SNTG1: variants seen among roughly 807,000 people sequenced by gnomAD.
The protein encoded by SNTG1 is syntrophin gamma 1.
Under a neutral mutation model 74.7 loss-of-function variants are expected in SNTG1, and 39 were observed. That is an observed-to-expected ratio of 0.52 (90% confidence interval 0.40 to 0.68). The LOEUF is 0.68. Ranked by LOEUF, SNTG1 falls within the 30% of genes least tolerant of loss-of-function variation. The pLI, the probability that SNTG1 is intolerant of heterozygous loss-of-function variation, is 0.00. For missense variants in SNTG1, 685 were observed against 609.5 expected (o/e 1.12, Z -1.30); for synonymous variants, 254 against 217.1 (o/e 1.17, Z -1.49).
chr8:50,616,401 GAC>G (rs1333763348), intron 13 of SNTG1, among the ~76,000 whole-genome samples: 2 of 152,190 alleles, frequency 1.3e-5, no homozygotes, highest in Non-Finnish European at 2.9e-5. Context: ...AAGGGCCACT[GAC>G]ACTATCCCTG....
intron 10 of SNTG1, among the ~76,000 whole-genome samples, chr8:50,532,797 G>C (rs974222944): frequency 1.3e-5 from 2 of 152,174 alleles, no homozygotes; most frequent in Admixed American, 6.5e-5. Flanking sequence ...TCTTTCCACA[G>C]AATATGTGTA....
chr8:50,700,959 G>A (rs935852830), intron 15 of SNTG1, among the ~76,000 whole-genome samples: 2 of 152,110 alleles, frequency 1.3e-5, no homozygotes, highest in African/African-American at 4.8e-5. Context: ...CACGACTTGG[G>A]TAATATAACA....
intron 1 of SNTG1, among the ~76,000 whole-genome samples, chr8:50,055,938 T>G (rs1380904330): frequency 2.6e-5 from 4 of 152,134 alleles, no homozygotes; most frequent in African/African-American, 9.7e-5. Flanking sequence ...AAACAATGGA[T>G]AATGTACCAG....
chr8:50,619,500 G>A (rs1278217696), intron 13 of SNTG1, among the ~76,000 whole-genome samples: 2 of 152,112 alleles, frequency 1.3e-5, no homozygotes, highest in Non-Finnish European at 2.9e-5. Context: ...GGGAGGCCGA[G>A]GCGGGCAGAT....
chr8:50,425,396 A>G (rs973816159), intron 4 of SNTG1, among the ~76,000 whole-genome samples: 1 of 152,000 alleles, frequency 6.6e-6, no homozygotes, highest in African/African-American at 2.4e-5. Flanking sequence ...CACGCCAGGG[A>G]TCTAGGTTGT....
chr8:50,410,740 A>G (rs1723249708), intron 4 of SNTG1, among the ~76,000 whole-genome samples: 1 of 152,026 alleles, frequency 6.6e-6, no homozygotes, highest in Admixed American at 6.6e-5. Context: ...TTTTTAGATT[A>G]TGCATGTGCG....
chr8:50,116,530 C>A (rs529763313), intron 1 of SNTG1, among the ~76,000 whole-genome samples: 15 of 152,290 alleles, frequency 9.8e-5, no homozygotes, highest in African/African-American at 3.4e-4. Flanking sequence ...TCACCCACTT[C>A]TCCATCCTCA....
intron 15 of SNTG1, among the ~76,000 whole-genome samples, chr8:50,672,773 C>T (rs1159631737): frequency 6.6e-6 from 1 of 152,094 alleles, no homozygotes; most frequent in Non-Finnish European, 1.5e-5. Flanking sequence ...TCCCTATGTC[C>T]TGAATGATAT....
At chr8:50,758,941 T>C (rs1308347895) in intron 18 of SNTG1, among the ~76,000 whole-genome samples, 3 of 151,232 alleles carry the variant, frequency 2.0e-5, no homozygotes, top group African/African-American at 7.2e-5. Context: ...CCCATCAACA[T>C]TGAAAAGCGT....
chr8:49,969,385 ATC>A (rs1464347126), intron 1 of SNTG1, among the ~76,000 whole-genome samples: 58,775 of 115,522 alleles, frequency 0.51, 17,224 homozygotes, highest in East Asian at 0.72. Flanking sequence ...AATTCATTTA[ATC>A]TTTTTTTTTT....
At chr8:50,571,866 C>T (rs984890676) in intron 12 of SNTG1, among the ~76,000 whole-genome samples, 1 of 152,068 alleles carries the variant, frequency 6.6e-6, no homozygotes, top group Admixed American at 6.5e-5. Flanking sequence ...TTTGAGTGGG[C>T]AGTTGCTCCA....
At chr8:50,777,186 C>A (rs571993341) in intron 18 of SNTG1, among the ~76,000 whole-genome samples, 21 of 147,738 alleles carry the variant, frequency 1.4e-4, no homozygotes, top group African/African-American at 4.4e-4. Flanking sequence ...TAATTTTTGT[C>A]CTCATTTTTT....
chr8:50,223,095 A>G (rs1191544336), intron 2 of SNTG1, among the ~76,000 whole-genome samples: 1 of 152,130 alleles, frequency 6.6e-6, no homozygotes, highest in East Asian at 1.9e-4. Context: ...ATTTTCCAGG[A>G]CCAACTCAAA....
At chr8:50,648,321 CA>C (rs2095123400) in intron 13 of SNTG1, among the ~76,000 whole-genome samples, 1 of 152,124 alleles carries the variant, frequency 6.6e-6, no homozygotes, top group African/African-American at 2.4e-5. Context: ...GAAGAGACAA[CA>C]AACTCAAATG....
intron 2 of SNTG1, among the ~76,000 whole-genome samples, chr8:50,366,838 A>G (rs2092126878): frequency 6.8e-6 from 1 of 146,034 alleles, no homozygotes; most frequent in Non-Finnish European, 1.5e-5. Flanking sequence ...ACCATTATAT[A>G]GTATAGGCCT....
chr8:50,347,001 G>T (rs181970049), intron 2 of SNTG1, among the ~76,000 whole-genome samples: 321 of 152,338 alleles, frequency 2.1e-3, no homozygotes, highest in Non-Finnish European at 4.0e-3. Flanking sequence ...AGAAGCTGCA[G>T]CAAGTTATCC....
At chr8:49,975,074 A>G (rs982959705) in intron 1 of SNTG1, among the ~76,000 whole-genome samples, 7 of 152,168 alleles carry the variant, frequency 4.6e-5, no homozygotes, top group Non-Finnish European at 1.0e-4. Context: ...ACTGTCAGTG[A>G]TGGTTCTCAA....
At chr8:50,353,340 C>T (rs964721285) in intron 2 of SNTG1, among the ~76,000 whole-genome samples, 4 of 151,770 alleles carry the variant, frequency 2.6e-5, no homozygotes, top group Admixed American at 6.6e-5. Flanking sequence ...ACCAACATGG[C>T]GCATGTATAC....
rs5891382 is a variant in SNTG1, at chr8:50,701,586, C to CTCTTCTTCT, written c.1039-2990_1039-2982dup. ...ATTGTGATATAATACCTTTTTCTTCCTCTTCTTCTTCTTCTTCTTCTTCTT... is the reference window on the plus strand; with the variant it reads ...ATTGTGATATAATACCTTTTTCTTCCTCTTCTTCTTCTTCTTCTTCTTCTTCTTCTTCTT... On this transcript the variant is annotated intron_variant, in intron 15 of 18. Coordinates refer to ENST00000642720, the MANE Select transcript of SNTG1 (RefSeq NM_018967.5). Among the ~76,000 whole-genome samples, 82 of 145,310 alleles carry CTCTTCTTCT rather than the reference C, an allele frequency of 5.6e-4. 3 individuals are homozygous for CTCTTCTTCT. The highest frequency in any genetic ancestry group is 8.1e-4 in the East Asian group (4 of 4,946).
Sources: allele counts gnomAD v4.1 joint callset (sites outside exome capture counted in the v4.1 genomes callset), GRCh38; gene constraint gnomAD v4.1.1; transcripts MANE v1.5; gene names NCBI Gene and HGNC (gene_info 2026-07-23, HGNC 2026-07-21).